Variants in CDH18 observed in about 807,000 individuals in gnomAD.
CDH18 encodes the protein cadherin-18.
In CDH18, 31 loss-of-function variants were observed where a neutral mutation model predicts 67.9. The ratio of observed to expected loss-of-function variants is 0.46; its 90% CI spans 0.34 to 0.62. The LOEUF (loss-of-function observed/expected upper bound fraction) is 0.62, where lower values mean the gene tolerates loss of function less well. Among genes scored for constraint, CDH18 ranks in the 20% least tolerant of loss-of-function variants. The probability of loss-of-function intolerance (pLI) is 0.01; values close to 1 mark genes in which losing one functional copy is unlikely to be tolerated. For synonymous variants in CDH18, 362 were observed against 347.2 expected (o/e 1.04, Z -0.48); for missense variants, 890 against 975.5 (o/e 0.91, Z 1.17).
At chr5:20,230,174 A>G (rs1741953192) in intron 2 of CDH18, among the ~76,000 whole-genome samples, 1 of 152,118 alleles carries the variant, frequency 6.6e-6, no homozygotes, top group Non-Finnish European at 1.5e-5. Context: ...GTCTCTGCTA[A>G]TAATTGCATG....
At chr5:20,575,593 G>T (rs1325103093) in exon 1 of CDH18, 1 of 152,070 alleles carries the variant, frequency 6.6e-6, no homozygotes, top group South Asian at 2.1e-4. Context: ...GGTGAAGTCT[G>T]TTATTTCTTG....
intron 1 of CDH18, among the ~76,000 whole-genome samples, chr5:20,383,909 G>A (rs1183563235): frequency 6.6e-6 from 1 of 151,996 alleles, no homozygotes; most frequent in Non-Finnish European, 1.5e-5. Flanking sequence ...TGATATATAA[G>A]TGACAATATC....
chr5:20,503,041 A>T (rs1446083932), intron 1 of CDH18, among the ~76,000 whole-genome samples: 2 of 152,198 alleles, frequency 1.3e-5, no homozygotes, highest in African/African-American at 4.8e-5. Flanking sequence ...AGAGAAAGCC[A>T]ATTAGGGAAC....
intron 5 of CDH18, among the ~76,000 whole-genome samples, chr5:19,716,390 TA>T (rs1468790091): frequency 2.0e-5 from 3 of 152,096 alleles, no homozygotes; most frequent in Non-Finnish European, 4.4e-5. Flanking sequence ...ACGCTATATT[TA>T]TATTATATTA....
chr5:20,265,240 T>C (rs1002099414), intron 1 of CDH18, among the ~76,000 whole-genome samples: 1 of 152,154 alleles, frequency 6.6e-6, no homozygotes, highest in Non-Finnish European at 1.5e-5. Flanking sequence ...ACAAACTTTT[T>C]TTTCCTGGTT....
At chr5:19,593,715 T>TTCC (rs1561426010) in intron 6 of CDH18, among the ~76,000 whole-genome samples, 1 of 77,642 alleles carries the variant, frequency 1.3e-5, no homozygotes. Flanking sequence ...CTCCTTCTTC[T>TTCC]TCTTCTTCTT....
intron 2 of CDH18, among the ~76,000 whole-genome samples, chr5:19,893,394 GC>G (rs1328035671): frequency 1.3e-5 from 2 of 152,096 alleles, no homozygotes; most frequent in Non-Finnish European, 2.9e-5. Flanking sequence ...AATAGCGTTT[GC>G]ATATATCCAC....
At chr5:20,357,507 C>A (rs993881587) in intron 1 of CDH18, among the ~76,000 whole-genome samples, 19 of 151,984 alleles carry the variant, frequency 1.3e-4, no homozygotes, top group African/African-American at 4.6e-4. Context: ...ATTACATAAA[C>A]AAACACTTCT....
chr5:20,461,706 T>C (rs1283774679), intron 1 of CDH18, among the ~76,000 whole-genome samples: 1 of 152,136 alleles, frequency 6.6e-6, no homozygotes, highest in Non-Finnish European at 1.5e-5. Context: ...CTCTTAAACA[T>C]AGTATATAAT....
At chr5:19,651,395 G>C (rs1002759057) in intron 5 of CDH18, among the ~76,000 whole-genome samples, 1 of 152,038 alleles carries the variant, frequency 6.6e-6, no homozygotes, top group Non-Finnish European at 1.5e-5. Flanking sequence ...TCAATACGTA[G>C]TTCTGAAACA....
chr5:20,004,157 G>A (rs926066986), intron 2 of CDH18, among the ~76,000 whole-genome samples: 3 of 152,108 alleles, frequency 2.0e-5, no homozygotes, highest in African/African-American at 7.2e-5. Context: ...CATCAGCAAG[G>A]CCACGACATG....
chr5:19,605,057 T>C (rs62349559), intron 6 of CDH18, among the ~76,000 whole-genome samples: 22,927 of 151,902 alleles, frequency 0.15, 2,071 homozygotes, highest in Admixed American at 0.19. Context: ...ATATGCTTAT[T>C]ACCATAAACA....
At chr5:20,389,800 A>G (rs976167796) in intron 1 of CDH18, among the ~76,000 whole-genome samples, 13 of 152,160 alleles carry the variant, frequency 8.5e-5, no homozygotes, top group Non-Finnish European at 1.5e-4. Context: ...ATATAGACCA[A>G]TGGAAAAGAA....
chr5:19,787,172 G>A (rs1361343153), intron 3 of CDH18, among the ~76,000 whole-genome samples: 2 of 152,278 alleles, frequency 1.3e-5, no homozygotes, highest in East Asian at 1.9e-4. Flanking sequence ...TGAACTCAGA[G>A]TCATTTTATT....
intron 4 of CDH18, among the ~76,000 whole-genome samples, chr5:19,741,312 C>T (rs901448991): frequency 1.5e-4 from 18 of 122,456 alleles, no homozygotes; most frequent in African/African-American, 4.6e-4. Context: ...TACATATATA[C>T]ATGTGTATAT....
chr5:19,591,108 G>A lies in CDH18; in HGVS notation c.948C>T (p.Phe316=). The change falls in exon 7 of 13, where the codon TTC becomes TTT. Residue 316 remains phenylalanine (F), a synonymous_variant. Transcript: ENST00000382275. ...TGGTCTCTTTGTCAGTGGAGATTGA[G>A]AATATTCCCATGCCATCACCATTTA... ...SIINGDGMGI[F]SISTDKETRE... The A allele has an allele frequency of 5.6e-6, 9 of 1,610,896 alleles. No individual in the cohort carries two copies. Among genetic ancestry groups the A allele is most frequent in the Non-Finnish European group, 6.8e-6 (8 of 1,177,962 alleles).
At chr5:20,075,098 G>A (rs920106666) in intron 2 of CDH18, among the ~76,000 whole-genome samples, 9 of 152,112 alleles carry the variant, frequency 5.9e-5, no homozygotes, top group Admixed American at 1.3e-4. Context: ...CTTTAGGCCC[G>A]TCTGGATTGT....
chr5:20,161,358 C>T (rs1735876743), intron 2 of CDH18, among the ~76,000 whole-genome samples: 1 of 152,110 alleles, frequency 6.6e-6, no homozygotes, highest in South Asian at 2.1e-4. Context: ...AAGTTGATTG[C>T]TAAAGGGAGC....
At chr5:19,749,712 T>C (rs890960142) in intron 3 of CDH18, among the ~76,000 whole-genome samples, 9 of 151,036 alleles carry the variant, frequency 6.0e-5, no homozygotes, top group African/African-American at 1.9e-4. Flanking sequence ...ATATAGATTC[T>C]AGTAATTCAG....
Sources: allele counts gnomAD v4.1 joint callset (sites outside exome capture counted in the v4.1 genomes callset), GRCh38; gene constraint gnomAD v4.1.1; transcripts MANE v1.5; gene names NCBI Gene and HGNC (gene_info 2026-07-23, HGNC 2026-07-21).